Variants in ZNF395 observed in about 807,000 individuals in gnomAD.
The protein encoded by ZNF395 is HD gene regulatory region-binding protein 2.
In ZNF395, 20 loss-of-function variants were observed where a neutral mutation model predicts 57.7. The ratio of observed to expected loss-of-function variants is 0.35; its 90% CI spans 0.24 to 0.50. ZNF395 has a LOEUF of 0.50. Ranked by LOEUF, ZNF395 falls within the 20% of genes least tolerant of loss-of-function variation. The probability of loss-of-function intolerance (pLI) is 0.97; values close to 1 mark genes in which losing one functional copy is unlikely to be tolerated. For missense variants in ZNF395, 606 were observed against 671.2 expected, an observed-to-expected ratio of 0.90 and a Z score of 1.07; for synonymous variants, 295 against 275.9, an observed-to-expected ratio of 1.07 and a Z score of -0.69.
chr8:28,360,898 T>A lies in ZNF395; in HGVS notation c.227A>T (p.Gln76Leu), dbSNP rs1801840561. The change falls in exon 2 of 10, where the codon CAG becomes CTG. Residue 76 changes from glutamine to leucine, a missense_variant. Gln to Leu is a moderately radical substitution (Grantham distance 113, BLOSUM62 -2). Around this residue, in one of 3 missense-constraint regions of ZNF395, gnomAD observed 309 missense variants for 374.7 expected, o/e 0.82. Transcript: ENST00000344423. ...STSGLQQVAFQPGQKVYVWYG... is the reference protein window; with the variant it reads ...STSGLQQVAFLPGQKVYVWYG... ...GGATCAACCTACCTTCTGCCCAGGCTGAAAGGCCACCTGCTGAAGGCCCGA... is the reference window on the plus strand; with the variant it reads ...GGATCAACCTACCTTCTGCCCAGGCAGAAAGGCCACCTGCTGAAGGCCCGA... 1 of 1,613,732 alleles carries A rather than the reference T, an allele frequency of 6.2e-7. No individual in the cohort carries two copies. Among genetic ancestry groups the A allele is most frequent in the Non-Finnish European group, 8.5e-7 (1 of 1,179,970 alleles).
intron 1 of ZNF395, among the ~76,000 whole-genome samples, chr8:28,383,271 T>G (rs1802131940): frequency 6.6e-6 from 1 of 152,176 alleles, no homozygotes; most frequent in African/African-American, 2.4e-5. Flanking sequence ...TTGGGGAATT[T>G]GTTCAGCAAA....
chr8:28,360,910 T>C lies in ZNF395; in HGVS notation c.215A>G (p.Gln72Arg). 1 of 1,613,948 alleles carries C rather than the reference T, an allele frequency of 6.2e-7. No individual in the cohort carries two copies. The highest frequency in any genetic ancestry group is 1.1e-5 in the South Asian group (1 of 91,086). ...CTTCTGCCCAGGCTGAAAGGCCACC[T>C]GCTGAAGGCCCGAGGTGCTGGGAGC... ...LKAPSTSGLQ[Q>R]VAFQPGQKVY... Residue 72 changes from glutamine to arginine, a missense_variant, in exon 2 of 10, where the codon CAG (glutamine) becomes CGG (arginine). This residue lies in a region of ZNF395 where 309 missense variants were observed against 374.7 expected (regional missense o/e 0.82). Transcript: ENST00000344423.
At chr8:28,366,677 T>C (rs192518309) in intron 1 of ZNF395, among the ~76,000 whole-genome samples, 75 of 152,294 alleles carry the variant, frequency 4.9e-4, no homozygotes, top group Middle Eastern at 3.4e-3. Flanking sequence ...TATGCAAATA[T>C]GTTTATGGTC....
Position 28,348,536 on chromosome 8 carries a change from T to G in ZNF395, c.*183A>C. The G allele has an allele frequency of 1.7e-6, 1 of 602,118 alleles. No individual in the cohort carries two copies. The highest frequency in any genetic ancestry group is 2.9e-6 in the Non-Finnish European group (1 of 340,752). 37.3% of individuals were successfully genotyped at this position (602,118 alleles called of 1,614,324 possible). ...GAAAAATATTTTTGTTTCTTTTTTT[T>G]AAAAAATAAAATGTTCGCACAATGG... is the stretch of plus-strand genomic sequence containing the variant. On this transcript the variant is annotated 3_prime_UTR_variant, in exon 10 of 10. Coordinates refer to ENST00000344423, the MANE Select transcript of ZNF395 (RefSeq NM_018660.3).
rs1310250725 is a variant in ZNF395 at position 28,359,373 on chromosome 8, G to A, written c.473+219C>T. On this transcript the variant is annotated intron_variant, in intron 3 of 9. Transcript: ENST00000344423. This position sits in a 1 kb window ranked among gnomAD's most constrained non-coding sequence, Gnocchi z 4.7. ...GCCGAGATCATGCCACTGAACTCCAGCCTAGGTGAGAGAGTGAGACTCCGT... is the reference window on the plus strand; with the variant it reads ...GCCGAGATCATGCCACTGAACTCCAACCTAGGTGAGAGAGTGAGACTCCGT... 6.6e-6 allele frequency among the ~76,000 whole-genome samples: 1 copy of A among 152,208 alleles called. No homozygotes were observed. The highest frequency in any genetic ancestry group is 6.5e-5 in the Admixed American group (1 of 15,282).
chr8:28,352,322 A>G lies in ZNF395; in HGVS notation c.920+251T>C, dbSNP rs1801726152. On this transcript the variant is annotated intron_variant, in intron 6 of 9. Coordinates refer to ENST00000344423, the MANE Select transcript of ZNF395 (RefSeq NM_018660.3). This position sits in a 1 kb window ranked among gnomAD's most constrained non-coding sequence, Gnocchi z 4.0. ...AAACCAAATGACCCCGTTTCTACCC[A>G]GAACTAAAACATCTTGCTTCCTGCA... is the stretch of plus-strand genomic sequence containing the variant. Among the ~76,000 whole-genome samples the G allele has an allele frequency of 6.6e-6, 1 of 152,240 alleles. No individual in the cohort carries two copies. The highest frequency in any genetic ancestry group is 2.1e-4 in the South Asian group (1 of 4,830).
At chr8:28,369,615 C>T (rs750030449) in intron 1 of ZNF395, among the ~76,000 whole-genome samples, 18 of 152,230 alleles carry the variant, frequency 1.2e-4, no homozygotes, top group Non-Finnish European at 2.5e-4. Context: ...CTTTCGGTAC[C>T]GGGTCTCTTT....
intron 1 of ZNF395, among the ~76,000 whole-genome samples, chr8:28,366,170 T>C (rs1043839930): frequency 6.6e-6 from 1 of 152,178 alleles, no homozygotes; most frequent in Non-Finnish European, 1.5e-5. Flanking sequence ...GCTTGCTACT[T>C]CTCTAATGAA....
Position 28,346,865 on chromosome 8 carries a change from A to C in ZNF395, c.*1854T>G, listed in dbSNP as rs1364243148. 1.3e-5 allele frequency: 2 copies of C among 152,070 alleles called. No homozygotes were observed. The highest frequency in any genetic ancestry group is 2.9e-5 in the Non-Finnish European group (2 of 68,004). The allele number at this position is 152,070 out of a possible 1,614,324, so 9.4% of individuals were successfully genotyped here. On this transcript the variant is annotated 3_prime_UTR_variant, in exon 10 of 10. Coordinates refer to ENST00000344423, the MANE Select transcript of ZNF395 (RefSeq NM_018660.3). ...AGCTCTTAATTCTCAAGGAGATCGA[A>C]GGGACAGGAAGGAGAGCCCTGCGCC...
intron 1 of ZNF395, among the ~76,000 whole-genome samples, chr8:28,363,552 A>G (rs752869338): frequency 2.0e-5 from 3 of 152,192 alleles, no homozygotes; most frequent in Non-Finnish European, 4.4e-5. Flanking sequence ...CCAGAGGTGA[A>G]GTCGCAATGC....
At chr8:28,382,157 G>A (rs955647238) in intron 1 of ZNF395, among the ~76,000 whole-genome samples, 13 of 152,074 alleles carry the variant, frequency 8.5e-5, no homozygotes, top group Non-Finnish European at 1.6e-4. Flanking sequence ...AAGGAAGCCC[G>A]GGGACCACAA....
In ZNF395 at chr8:28,353,311, G is replaced by A. The variant is rs768735105; in HGVS notation, c.681C>T (p.Val227=). 1.3e-5 allele frequency: 21 copies of A among 1,607,202 alleles called. No individual in the cohort carries two copies. The South Asian group carries it at 2.1e-4, about 16-fold the overall frequency. ...TSGHWSGSSG[V]STPSPPHPQA... ...GGGGGTGGGGGGGCGAGGGGGTGGA[G>A]ACACCACTGCTCCCACTCCAGTGAC... is the stretch of plus-strand genomic sequence containing the variant. Residue 227 remains valine (V), a synonymous_variant, in exon 5 of 10, where the codon GTC becomes GTT. Transcript: ENST00000344423.
At chr8:28,374,493 A>C (rs149427109) in intron 1 of ZNF395, among the ~76,000 whole-genome samples, 1 of 152,316 alleles carries the variant, frequency 6.6e-6, no homozygotes, top group African/African-American at 2.4e-5. Context: ...AAAAGAAAAG[A>C]AACAGTCCCT....
intron 7 of ZNF395, among the ~76,000 whole-genome samples, chr8:28,350,919 T>C (rs1332496061): frequency 3.9e-5 from 6 of 152,210 alleles, no homozygotes; most frequent in Non-Finnish European, 8.8e-5. Flanking sequence ...AAGGGCAAAA[T>C]AGGTTGGTCC....
intron 1 of ZNF395, among the ~76,000 whole-genome samples, chr8:28,375,762 TAAC>T (rs1162171827): frequency 6.6e-6 from 1 of 152,108 alleles, no homozygotes; most frequent in Non-Finnish European, 1.5e-5. Flanking sequence ...TAAAAATAGA[TAAC>T]AAGATTAAAA....
rs539453314 is a variant in ZNF395, at chr8:28,359,397, G to A, written c.473+195C>T. ...AGCCTAGGTGAGAGAGTGAGACTCCGTCTCAAAAAAAGAAAGAAAAGATGC... is the reference window on the plus strand; with the variant it reads ...AGCCTAGGTGAGAGAGTGAGACTCCATCTCAAAAAAAGAAAGAAAAGATGC... On this transcript the variant is annotated intron_variant, in intron 3 of 9. Transcript: ENST00000344423. The surrounding 1 kb of genome is among the most constrained non-coding windows in gnomAD (Gnocchi z 4.7). Among the ~76,000 whole-genome samples, 8 of 152,226 alleles carry A rather than the reference G, an allele frequency of 5.3e-5. No individual in the cohort carries two copies. The South Asian group carries it at 1.0e-3, about 20-fold the overall frequency.
In ZNF395 at chr8:28,351,785, A is replaced by T. The variant is rs762364603; in HGVS notation, c.943T>A (p.Phe315Ile). The T allele has an allele frequency of 1.6e-5, 25 of 1,571,442 alleles. No homozygotes were observed. Among genetic ancestry groups the T allele is most frequent in the Non-Finnish European group, 2.1e-5 (25 of 1,163,164 alleles). ...HLGDTVDSDQ[F>I]KREEDFYYTE... ...TAGTAGAAATCCTCCTCCCGCTTGA[A>T]CTGATCAGAGTCCACTGTGTCCCTG... Residue 315 changes from phenylalanine (F) to isoleucine (I), a missense_variant, in exon 7 of 10, where the codon TTC becomes ATC. By Grantham distance (21) the Phe-to-Ile change is conservative. Coordinates refer to ENST00000344423, the MANE Select transcript of ZNF395 (RefSeq NM_018660.3).
Position 28,353,438 on chromosome 8 carries a change from G to A in ZNF395, c.584-30C>T, listed in dbSNP as rs746664260. On this transcript the variant is annotated intron_variant, in intron 4 of 9. Transcript: ENST00000344423. ...CCAGATGAAGAAAAGATGAGAGGACGCTCACGGGCGTGTCCCTGGGCAAAC... is the reference window on the plus strand; with the variant it reads ...CCAGATGAAGAAAAGATGAGAGGACACTCACGGGCGTGTCCCTGGGCAAAC... The A allele has an allele frequency of 8.0e-5, 116 of 1,458,698 alleles. 2 individuals carry two copies. Among genetic ancestry groups the A allele is most frequent in the Middle Eastern group, 1.9e-4 (1 of 5,136 alleles). 90.4% of individuals were successfully genotyped at this position (1,458,698 alleles called of 1,614,324 possible).
chr8:28,376,182 C>G (rs1466942526), intron 1 of ZNF395, among the ~76,000 whole-genome samples: 2 of 151,540 alleles, frequency 1.3e-5, no homozygotes, highest in Admixed American at 6.6e-5. Flanking sequence ...ACCATGTTGC[C>G]CGGGCTGGTC....
Sources: allele counts gnomAD v4.1 joint callset (sites outside exome capture counted in the v4.1 genomes callset), GRCh38; gene constraint gnomAD v4.1.1; regional missense constraint gnomAD v4.1.1; non-coding constraint Gnocchi (gnomAD v3.1); transcripts MANE v1.5; gene names NCBI Gene and HGNC (gene_info 2026-07-23, HGNC 2026-07-21).